MICU1: variants seen among roughly 807,000 people sequenced by gnomAD.
MICU1 encodes mitochondrial calcium uptake 1.
MICU1 carries 45 observed loss-of-function variants against 56.8 expected under a neutral mutation model. The observed-to-expected ratio is 0.79, with a 90% CI of 0.62 to 1.02. The LOEUF (loss-of-function observed/expected upper bound fraction) is 1.02. Ranked by LOEUF, MICU1 falls within the 50% of genes least tolerant of loss-of-function variation. The pLI is 0.00. For missense variants in MICU1, 504 were observed against 587.1 expected, an observed-to-expected ratio of 0.86 and a Z score of 1.46; for synonymous variants, 186 against 195.1, an observed-to-expected ratio of 0.95 and a Z score of 0.39.
chr10:72,389,941 C>G (rs1188830717), intron 10 of MICU1, among the ~76,000 whole-genome samples: 1 of 152,156 alleles, frequency 6.6e-6, no homozygotes, highest in African/African-American at 2.4e-5. Flanking sequence ...TAATTTTATG[C>G]CCAGTGTGCG....
At chr10:72,441,540 CTTAAA>C (rs1274558469) in intron 8 of MICU1, among the ~76,000 whole-genome samples, 5 of 133,282 alleles carry the variant, frequency 3.8e-5, no homozygotes, top group African/African-American at 1.2e-4. Flanking sequence ...TACTCTAGAA[CTTAAA>C]TTATTTAAAA....
Position 72,496,451 on chromosome 10 carries a change from G to A in MICU1, c.652+11704C>T, listed in dbSNP as rs185742359. Among the ~76,000 whole-genome samples, 13 of 152,226 alleles carry A rather than the reference G, an allele frequency of 8.5e-5. No individual in the cohort carries two copies. In the East Asian group the frequency reaches 1.7e-3, roughly 20 times the overall value. ...TGAATAGCTGGGATTACAGGCATGC[G>A]CCACCACACCTGGTTAATTTTTGTA... On this transcript the variant is annotated intron_variant, in intron 6 of 11. Transcript: ENST00000361114.
At chr10:72,504,212 T>G (rs548482120) in intron 6 of MICU1, among the ~76,000 whole-genome samples, 2 of 152,080 alleles carry the variant, frequency 1.3e-5, no homozygotes, top group African/African-American at 4.8e-5. Flanking sequence ...CCCAGAGGTA[T>G]CACATTACAA....
At chr10:72,499,347 A>G (rs1475347347) in intron 6 of MICU1, among the ~76,000 whole-genome samples, 1 of 152,188 alleles carries the variant, frequency 6.6e-6, no homozygotes, top group East Asian at 1.9e-4. Flanking sequence ...ATTCAACATC[A>G]TCTATAAATA....
At chr10:72,487,759 T>C (rs1866521627) in intron 6 of MICU1, among the ~76,000 whole-genome samples, 1 of 152,206 alleles carries the variant, frequency 6.6e-6, no homozygotes. Flanking sequence ...TGCTTATTCC[T>C]CAACAAACAA....
At chr10:72,377,465 T>C (rs1432785966) in intron 10 of MICU1, among the ~76,000 whole-genome samples, 1 of 152,182 alleles carries the variant, frequency 6.6e-6, no homozygotes, top group Non-Finnish European at 1.5e-5. Context: ...TTAAAAAATA[T>C]ATATTTTTAG....
intron 8 of MICU1, among the ~76,000 whole-genome samples, chr10:72,425,268 G>A (rs933396399): frequency 2.6e-5 from 4 of 152,164 alleles, no homozygotes; most frequent in African/African-American, 9.7e-5. Context: ...CACAGCTGTG[G>A]GGCAATCCCG....
At chr10:72,466,556 TGTCA>T (rs1865798939) in intron 8 of MICU1, among the ~76,000 whole-genome samples, 1 of 152,222 alleles carries the variant, frequency 6.6e-6, no homozygotes, top group Non-Finnish European at 1.5e-5. Flanking sequence ...CTAAAGGAAA[TGTCA>T]TTGAACATAT....
intron 9 of MICU1, among the ~76,000 whole-genome samples, chr10:72,418,699 T>C (rs563041469): frequency 1.3e-5 from 2 of 152,310 alleles, no homozygotes; most frequent in Non-Finnish European, 1.5e-5. Context: ...AACTGATTAA[T>C]GTCAGCCAAA....
chr10:72,404,002 T>G (rs1863549365), intron 10 of MICU1, among the ~76,000 whole-genome samples: 1 of 149,386 alleles, frequency 6.7e-6, no homozygotes, highest in African/African-American at 2.5e-5. Context: ...GTTTGTTTGT[T>G]TTTTGGAGAC....
At chr10:72,432,008 C>T (rs1266647217) in intron 8 of MICU1, among the ~76,000 whole-genome samples, 3 of 150,116 alleles carry the variant, frequency 2.0e-5, no homozygotes, top group African/African-American at 7.4e-5. Flanking sequence ...TTTATGTTGT[C>T]TATTTTTAAA....
intron 4 of MICU1, among the ~76,000 whole-genome samples, chr10:72,549,906 G>A (rs1839990321): frequency 8.4e-6 from 1 of 119,438 alleles, no homozygotes; most frequent in South Asian, 2.5e-4. Flanking sequence ...TTCCAGCCTG[G>A]GTGACAAGAA....
intron 1 of MICU1, among the ~76,000 whole-genome samples, chr10:72,591,226 C>A (rs1314450087): frequency 6.6e-6 from 1 of 152,030 alleles, no homozygotes; most frequent in East Asian, 1.9e-4. Flanking sequence ...GCAGCAAAAG[C>A]AGTGCTAAGG....
chr10:72,618,265 T>C (rs1247377280), intron 1 of MICU1, among the ~76,000 whole-genome samples: 1 of 152,072 alleles, frequency 6.6e-6, no homozygotes, highest in African/African-American at 2.4e-5. Flanking sequence ...AATAATTGCA[T>C]ACCTTTATTA....
intron 10 of MICU1, among the ~76,000 whole-genome samples, chr10:72,386,065 C>T (rs1862877239): frequency 6.6e-6 from 1 of 152,218 alleles, no homozygotes; most frequent in Non-Finnish European, 1.5e-5. Flanking sequence ...TGAAGGCCCC[C>T]CAACAACACT....
chr10:72,575,772 T>C (rs1840725070), intron 1 of MICU1, among the ~76,000 whole-genome samples: 1 of 152,132 alleles, frequency 6.6e-6, no homozygotes. Flanking sequence ...ACCCGTCATT[T>C]CCCCGTCTCT....
chr10:72,571,786 G>T (rs1840616241), intron 1 of MICU1, among the ~76,000 whole-genome samples: 1 of 151,976 alleles, frequency 6.6e-6, no homozygotes, highest in Non-Finnish European at 1.5e-5. Context: ...ATGTAGTTGG[G>T]CATGGTGGCA....
At chr10:72,533,659 G>T in intron 5 of MICU1, 87 bp downstream of exon 5, 1 of 1,006,680 alleles carries the variant, frequency 9.9e-7, no homozygotes, top group Non-Finnish European at 1.5e-6. Context: ...GGTATTCAGT[G>T]ATTTCTCAAA....
intron 5 of MICU1, among the ~76,000 whole-genome samples, chr10:72,510,671 T>C (rs1382615615): frequency 2.6e-5 from 4 of 151,436 alleles, no homozygotes; most frequent in Admixed American, 2.6e-4. Flanking sequence ...TGAGATGGAG[T>C]CTCGCTCTGT....
Sources: gnomAD v4.1 joint callset for allele counts (sites outside exome capture counted in the v4.1 genomes callset) on GRCh38, gnomAD v4.1.1 for gene constraint, MANE v1.5 for transcripts, NCBI Gene and HGNC (gene_info 2026-07-23, HGNC 2026-07-21) for gene names.